The following SVEP1 variants were observed in gnomAD, a reference collection of about 807,000 sequenced individuals.
The protein encoded by SVEP1 is sushi, von Willebrand factor type A, EGF and pentraxin domain-containing protein 1.
A neutral mutation model predicts 367.3 loss-of-function variants in SVEP1; 164 were observed. That is an observed-to-expected ratio of 0.45 (90% confidence interval 0.39 to 0.51). The LOEUF (loss-of-function observed/expected upper bound fraction) is 0.51. Ranked by LOEUF, SVEP1 falls within the 20% of genes least tolerant of loss-of-function variation. SVEP1 has a pLI of 0.00. For missense variants in SVEP1, 4,117 were observed against 4,425.3 expected, an observed-to-expected ratio of 0.93 and a Z score of 1.98; for synonymous variants, 1,666 against 1,611.6, an observed-to-expected ratio of 1.03 and a Z score of -0.81.
intron 40 of SVEP1, among the ~76,000 whole-genome samples, chr9:110,390,078 C>CACAT: frequency 1.0e-5 from 1 of 97,120 alleles, no homozygotes; most frequent in East Asian, 3.7e-4. Flanking sequence ...TATATATATA[C>CACAT]GTGTATATAT....
At chr9:110,473,765 TGTA>T (rs1399685155) in intron 14 of SVEP1, among the ~76,000 whole-genome samples, 3 of 152,194 alleles carry the variant, frequency 2.0e-5, no homozygotes, top group Non-Finnish European at 4.4e-5. Flanking sequence ...ATTTATGAAA[TGTA>T]GTACATATTT....
chr9:110,488,125 G>A (rs921735265), intron 9 of SVEP1, among the ~76,000 whole-genome samples: 8 of 152,168 alleles, frequency 5.3e-5, no homozygotes, highest in Non-Finnish European at 1.2e-4. Context: ...TACCTTCTTG[G>A]ATATTGGTGA....
Position 110,579,569 on chromosome 9 carries a change from C to A in SVEP1, c.-26G>T. On this transcript the variant is annotated 5_prime_UTR_variant, in exon 1 of 48. Transcript: ENST00000374469. The surrounding 1 kb of genome is among the most constrained non-coding windows in gnomAD (Gnocchi z 5.3). The stretch of plus-strand genomic sequence containing the variant: ...CGCGCTGGAGACAGAGCGGCTGCCC[C>A]GGAGCGCAGGCGGCGGCTCGGGCGG... The A allele has an allele frequency of 6.5e-7, 1 of 1,544,254 alleles. No homozygotes were observed.
chr9:110,470,775 AAT>A (rs995236362), intron 16 of SVEP1, among the ~76,000 whole-genome samples: 5 of 148,336 alleles, frequency 3.4e-5, no homozygotes, highest in Admixed American at 6.8e-5. Context: ...TAGAAAAATA[AAT>A]ATATATATAT....
chr9:110,556,266 C>G (rs562865872), intron 1 of SVEP1, among the ~76,000 whole-genome samples: 57 of 152,274 alleles, frequency 3.7e-4, no homozygotes, highest in Non-Finnish European at 6.2e-4. Flanking sequence ...ACGGCACCCC[C>G]ACTCCATGTC....
intron 9 of SVEP1, among the ~76,000 whole-genome samples, chr9:110,488,104 A>G (rs920537317): frequency 2.0e-5 from 3 of 152,224 alleles, no homozygotes; most frequent in Non-Finnish European, 4.4e-5. Flanking sequence ...GGTGAAACCA[A>G]CAGCACCTGA....
rs190363338 is a variant in SVEP1 at position 110,437,401 on chromosome 9, T to C, written c.4640-897A>G. Among the ~76,000 whole-genome samples the C allele has an allele frequency of 5.9e-5, 9 of 152,308 alleles. No homozygotes were observed. In the East Asian group the frequency reaches 1.5e-3, roughly 26 times the overall value. ...TAGTCATATGTGTTTTACTGTCATA[T>C]TTTGGTCTTCTTAACCATGCTCACA... On this transcript the variant is annotated intron_variant, in intron 27 of 47. Coordinates refer to ENST00000374469, the MANE Select transcript of SVEP1 (RefSeq NM_153366.4).
intron 27 of SVEP1, among the ~76,000 whole-genome samples, chr9:110,438,950 T>C (rs1828472360): frequency 6.6e-6 from 1 of 152,204 alleles, no homozygotes; most frequent in South Asian, 2.1e-4. Flanking sequence ...TTAAACTCAG[T>C]ATGTCGAAAA....
Position 110,499,795 on chromosome 9 carries a change from G to A in SVEP1, c.1484-557C>T, listed in dbSNP as rs557502069. ...AATGCAGATGGAATGGAAAATCAAGGCTAGGACTTAATACAGGGAGTGCAT... is the reference window on the plus strand; with the variant it reads ...AATGCAGATGGAATGGAAAATCAAGACTAGGACTTAATACAGGGAGTGCAT... On this transcript the variant is annotated intron_variant, in intron 6 of 47. Coordinates refer to ENST00000374469, the MANE Select transcript of SVEP1 (RefSeq NM_153366.4). 6.6e-5 allele frequency among the ~76,000 whole-genome samples: 10 copies of A among 152,312 alleles called. No homozygotes were observed. The East Asian group carries it at 1.7e-3, about 26-fold the overall frequency.
intron 40 of SVEP1, among the ~76,000 whole-genome samples, chr9:110,389,915 A>G (rs1414948182): frequency 6.8e-6 from 1 of 147,802 alleles, no homozygotes; most frequent in Non-Finnish European, 1.5e-5. Flanking sequence ...ATTCTTAGAA[A>G]TATATGAATC....
chr9:110,465,269 A>C (rs1259678892), intron 18 of SVEP1, among the ~76,000 whole-genome samples: 4 of 151,872 alleles, frequency 2.6e-5, no homozygotes, highest in Non-Finnish European at 5.9e-5. Flanking sequence ...TTTCCTAATC[A>C]CTTCAAATAA....
At chr9:110,516,931 A>G (rs1829811457) in intron 3 of SVEP1, among the ~76,000 whole-genome samples, 2 of 152,224 alleles carry the variant, frequency 1.3e-5, no homozygotes, top group Admixed American at 1.3e-4. Flanking sequence ...ATCCAGGATG[A>G]AAGAAAAATA....
chr9:110,417,097 AT>A (rs1195156533), intron 36 of SVEP1, among the ~76,000 whole-genome samples: 1 of 152,014 alleles, frequency 6.6e-6, no homozygotes, highest in Non-Finnish European at 1.5e-5. Flanking sequence ...TTATGGAAAA[AT>A]TGGAGGAGGA....
chr9:110,404,212 A>G, intron 39 of SVEP1, 115 bp downstream of exon 39: 1 of 995,850 alleles, frequency 1.0e-6, no homozygotes, highest in East Asian at 2.4e-5. Context: ...ATCCTTTGAA[A>G]TGAGTGAAAA....
intron 2 of SVEP1, among the ~76,000 whole-genome samples, chr9:110,546,852 G>A (rs1423199411): frequency 1.3e-5 from 2 of 152,156 alleles, no homozygotes; most frequent in Non-Finnish European, 2.9e-5. Context: ...AGGCATGCTG[G>A]GAATGCAATA....
chr9:110,382,738 A>T (rs754483622), intron 43 of SVEP1, among the ~76,000 whole-genome samples: 1 of 152,172 alleles, frequency 6.6e-6, no homozygotes, highest in Non-Finnish European at 1.5e-5. Flanking sequence ...ATAATTTCAT[A>T]GTTCTCAGAG....
At chr9:110,485,674 C>G (rs1829266371) in intron 9 of SVEP1, among the ~76,000 whole-genome samples, 2 of 152,018 alleles carry the variant, frequency 1.3e-5, no homozygotes, top group South Asian at 4.2e-4. Context: ...TATTACATGC[C>G]TTTGAGGTTT....
chr9:110,546,559 T>C (rs1432991676), intron 2 of SVEP1, among the ~76,000 whole-genome samples: 4 of 152,086 alleles, frequency 2.6e-5, no homozygotes, highest in Non-Finnish European at 4.4e-5. Context: ...AATTAAGTAG[T>C]GTAGTGAGGA....
intron 5 of SVEP1, among the ~76,000 whole-genome samples, chr9:110,503,621 G>T (rs573573723): frequency 6.6e-6 from 1 of 152,286 alleles, no homozygotes; most frequent in Admixed American, 6.5e-5. Flanking sequence ...GAGTTTTCAG[G>T]TTCATGATCG....
Sources: gnomAD v4.1 joint callset for allele counts (sites outside exome capture counted in the v4.1 genomes callset) on GRCh38, gnomAD v4.1.1 for gene constraint, Gnocchi (gnomAD v3.1) non-coding constraint, MANE v1.5 for transcripts, NCBI Gene and HGNC (gene_info 2026-07-23, HGNC 2026-07-21) for gene names.